The following HECA variants were observed in gnomAD, a reference collection of about 807,000 sequenced individuals.
HECA encodes HECA ribonucleoprotein granule regulator.
HECA carries 13 observed loss-of-function variants against 37.6 expected under a neutral mutation model. That is an observed-to-expected ratio of 0.35 (90% CI 0.23 to 0.55). The LOEUF is 0.55. HECA is among the 20% of genes least tolerant of loss of function. The pLI is 0.90. For missense variants in HECA, 527 were observed against 701.9 expected (o/e 0.75, Z 2.82); for synonymous variants, 307 against 291.5 (o/e 1.05, Z -0.54).
intron 1 of HECA, among the ~76,000 whole-genome samples, chr6:139,138,553 C>G (rs1220299881): frequency 6.6e-6 from 1 of 152,102 alleles, no homozygotes; most frequent in South Asian, 2.1e-4. Flanking sequence ...TCTTGTAGCT[C>G]TTGGGCAGTG....
Position 139,166,652 on chromosome 6 carries a change from C to A in HECA, c.640C>A (p.Pro214Thr). ...TGGCTCCGAGAAGAACACAGGGAGG[C>A]CTCCTGGTGAGGCGGCGGAGGAGGC... ...KSGSEKNTGR[P>T]PGEAAEEAKK... Residue 214 changes from proline to threonine, a missense_variant, in exon 2 of 4, where the codon CCT (proline) becomes ACT (threonine). By Grantham distance (38) the Pro-to-Thr change is conservative. Around this residue, in one of 4 missense-constraint regions of HECA, gnomAD observed 228 missense variants for 259.8 expected, o/e 0.88. Coordinates refer to ENST00000367658, the MANE Select transcript of HECA (RefSeq NM_016217.3). 1 of 1,614,124 alleles carries A rather than the reference C, an allele frequency of 6.2e-7. No homozygotes were observed. The highest frequency in any genetic ancestry group is 2.2e-5 in the East Asian group (1 of 44,880).
At chr6:139,144,476 GA>G (rs776688487) in intron 1 of HECA, 24 of 152,646 alleles carry the variant, frequency 1.6e-4, no homozygotes, top group Middle Eastern at 3.4e-3. Context: ...AGAGGGAAGT[GA>G]AAAAGGGCCT....
intron 1 of HECA, among the ~76,000 whole-genome samples, chr6:139,157,731 G>A (rs984258417): frequency 3.3e-5 from 5 of 152,224 alleles, no homozygotes; most frequent in African/African-American, 1.2e-4. Flanking sequence ...TAGAGAGTGG[G>A]ATGGTACTTT....
At chr6:139,140,836 G>T (rs1385840859) in intron 1 of HECA, among the ~76,000 whole-genome samples, 9 of 152,074 alleles carry the variant, frequency 5.9e-5, no homozygotes. Flanking sequence ...TGTCACCCAG[G>T]CTGGAGTGCA....
At chr6:139,175,553 T>C (rs534420887) in intron 3 of HECA, among the ~76,000 whole-genome samples, 3 of 152,290 alleles carry the variant, frequency 2.0e-5, no homozygotes, top group South Asian at 2.1e-4. Context: ...ATCTTTTAAA[T>C]TGAAGAAATA....
chr6:139,164,750 C>T (rs1774858176), intron 1 of HECA, among the ~76,000 whole-genome samples: 1 of 152,066 alleles, frequency 6.6e-6, no homozygotes, highest in African/African-American at 2.4e-5. Flanking sequence ...CCCTGAAGCA[C>T]CCTTGTCATC....
intron 1 of HECA, among the ~76,000 whole-genome samples, chr6:139,160,142 C>G (rs1025439571): frequency 6.6e-6 from 1 of 152,148 alleles, no homozygotes; most frequent in African/African-American, 2.4e-5. Context: ...GATTTTTGCC[C>G]AGAATCACAT....
chr6:139,141,440 C>G (rs1428323078), intron 1 of HECA, among the ~76,000 whole-genome samples: 1 of 152,158 alleles, frequency 6.6e-6, no homozygotes, highest in Non-Finnish European at 1.5e-5. Flanking sequence ...TTTGATCATT[C>G]CACTATTGTT....
intron 1 of HECA, among the ~76,000 whole-genome samples, chr6:139,156,572 A>G (rs1774715369): frequency 6.6e-6 from 1 of 152,246 alleles, no homozygotes; most frequent in South Asian, 2.1e-4. Flanking sequence ...CCTGGAAATC[A>G]GTAACTTTGG....
intron 1 of HECA, among the ~76,000 whole-genome samples, chr6:139,154,159 C>G (rs1032860675): frequency 6.6e-6 from 1 of 152,150 alleles, no homozygotes; most frequent in Admixed American, 6.5e-5. Context: ...AGTTGTTATA[C>G]TGTATTTAGG....
chr6:139,166,578 C>T lies in HECA; in HGVS notation c.566C>T (p.Thr189Ile). Residue 189 changes from threonine to isoleucine, a missense_variant, in exon 2 of 4, where the codon ACA becomes ATA. Physicochemically the swap from Thr to Ile is moderately conservative, Grantham distance 89. Around this residue, in one of 4 missense-constraint regions of HECA, gnomAD observed 228 missense variants for 259.8 expected, o/e 0.88. Coordinates refer to ENST00000367658, the MANE Select transcript of HECA (RefSeq NM_016217.3). ...GGCCAGGGCCACTTGAAGAAGGACA[C>T]AGACTGGTATCAGGTGAAGCGGATG... is the stretch of plus-strand genomic sequence containing the variant. ...RCGQGHLKKDTDWYQVKRMQD... is the reference protein window; with the variant it reads ...RCGQGHLKKDIDWYQVKRMQD... The T allele has an allele frequency of 6.2e-7, 1 of 1,614,256 alleles. No individual in the cohort carries two copies. The highest frequency in any genetic ancestry group is 8.5e-7 in the Non-Finnish European group (1 of 1,180,050).
At chr6:139,148,521 T>G (rs1477446960) in intron 1 of HECA, among the ~76,000 whole-genome samples, 2 of 152,210 alleles carry the variant, frequency 1.3e-5, no homozygotes, top group Non-Finnish European at 2.9e-5. Flanking sequence ...CTCAGCACTT[T>G]GGGAGGCTGA....
At chr6:139,141,182 C>G (rs566413431) in intron 1 of HECA, among the ~76,000 whole-genome samples, 1 of 152,136 alleles carries the variant, frequency 6.6e-6, no homozygotes, top group Admixed American at 6.5e-5. Flanking sequence ...AGAAAAGAAG[C>G]TTTCTTTGCC....
chr6:139,168,109 C>A (rs1447447935), intron 2 of HECA, among the ~76,000 whole-genome samples: 2 of 152,202 alleles, frequency 1.3e-5, no homozygotes, highest in Admixed American at 6.5e-5. Flanking sequence ...AGTACCCAGA[C>A]AAACATTTTC....
At chr6:139,137,573 C>T (rs1295582161) in intron 1 of HECA, among the ~76,000 whole-genome samples, 2 of 150,806 alleles carry the variant, frequency 1.3e-5, no homozygotes, top group African/African-American at 4.9e-5. Flanking sequence ...CCTCAGGGAG[C>T]TTGCATTCCT....
intron 1 of HECA, among the ~76,000 whole-genome samples, chr6:139,163,774 G>T (rs1774841119): frequency 6.6e-6 from 1 of 152,058 alleles, no homozygotes; most frequent in African/African-American, 2.4e-5. Context: ...TGCATCCCAG[G>T]ATTCTTTTCC....
At chr6:139,141,879 A>G (rs1582934637) in intron 1 of HECA, among the ~76,000 whole-genome samples, 1 of 145,228 alleles carries the variant, frequency 6.9e-6, no homozygotes, top group Non-Finnish European at 1.5e-5. Context: ...CAGCCTCCCT[A>G]GTAGCTGGGA....
intron 1 of HECA, among the ~76,000 whole-genome samples, chr6:139,137,455 AATG>A (rs1774462450): frequency 1.3e-5 from 2 of 152,192 alleles, no homozygotes; most frequent in African/African-American, 4.8e-5. Context: ...GTGCATGAAC[AATG>A]ATGACAGCTT....
At chr6:139,138,221 G>A (rs534584859) in intron 1 of HECA, among the ~76,000 whole-genome samples, 3 of 152,186 alleles carry the variant, frequency 2.0e-5, no homozygotes, top group African/African-American at 7.2e-5. Flanking sequence ...TTTTTAAAGA[G>A]GAAGGGGCAA....
Sources: allele counts gnomAD v4.1 joint callset (sites outside exome capture counted in the v4.1 genomes callset), GRCh38; gene constraint gnomAD v4.1.1; regional missense constraint gnomAD v4.1.1; transcripts MANE v1.5; gene names NCBI Gene and HGNC (gene_info 2026-07-23, HGNC 2026-07-21).